The following PPP1R17 variants were observed in gnomAD, a reference collection of about 807,000 sequenced individuals.
PPP1R17 encodes the protein protein phosphatase 1 regulatory subunit 17.
Under a neutral mutation model 15.9 loss-of-function variants are expected in PPP1R17, and 12 were observed. The observed-to-expected ratio is 0.75, with a 90% CI of 0.48 to 1.22. The LOEUF is 1.22. Ranked by LOEUF, PPP1R17 falls within the 50% of genes most tolerant of loss-of-function variation. The probability of loss-of-function intolerance (pLI) is 0.00; values close to 1 mark genes in which losing one functional copy is unlikely to be tolerated. For missense variants in PPP1R17, 211 were observed against 187.3 expected (o/e 1.13, Z -0.74); for synonymous variants, 63 against 64.5 (o/e 0.98, Z 0.11).
chr7:31,692,691 T>C (rs933938522), intron 2 of PPP1R17, among the ~76,000 whole-genome samples, 168 bp downstream of exon 2: 4 of 152,178 alleles, frequency 2.6e-5, no homozygotes, highest in Non-Finnish European at 5.9e-5. Context: ...CATGGGTCTG[T>C]GGGGTCTGCC....
chr7:31,702,023 A>G (rs1384878603), intron 4 of PPP1R17, among the ~76,000 whole-genome samples: 1 of 152,204 alleles, frequency 6.6e-6, no homozygotes, highest in African/African-American at 2.4e-5. Context: ...AAAATTTTTT[A>G]GAAGTCCTGC....
Position 31,697,079 on chromosome 7 carries a change from A to C in PPP1R17, c.350A>C (p.Lys117Thr), listed in dbSNP as rs1389537199. 1.9e-6 allele frequency: 3 copies of C among 1,614,036 alleles called. No homozygotes were observed. The highest frequency in any genetic ancestry group is 2.5e-6 in the Non-Finnish European group (3 of 1,180,010). Residue 117 changes from lysine (K) to threonine (T), a missense_variant, in exon 4 of 5, where the codon AAA becomes ACA. Transcript: ENST00000342032. Reference protein sequence around the residue: ...TDLEQKKPRRKDTPALHMSPF... With the variant: ...TDLEQKKPRRTDTPALHMSPF... Reference sequence around the variant, plus strand: ...CTGGAACAGAAAAAGCCAAGGAGAAAAGACACACCTGCCCTGCACATGTCC... The same window carrying C: ...CTGGAACAGAAAAAGCCAAGGAGAACAGACACACCTGCCCTGCACATGTCC...
At chr7:31,707,099 A>T (rs1793099929) in intron 4 of PPP1R17, 105 bp from the exon 5 acceptor site, 1 of 986,688 alleles carries the variant, frequency 1.0e-6, no homozygotes, top group African/African-American at 1.6e-5. Flanking sequence ...GTAGACACTA[A>T]GAGGTTTCTG....
chr7:31,705,628 G>A (rs1793033462), intron 4 of PPP1R17, among the ~76,000 whole-genome samples: 1 of 152,192 alleles, frequency 6.6e-6, no homozygotes, highest in Non-Finnish European at 1.5e-5. Flanking sequence ...TCAACACATA[G>A]TTTTCATTAA....
At position 31,687,286 on chromosome 7, in the gene PPP1R17, T is replaced by C. The variant is rs1331098861; in HGVS notation, c.-57T>C. 6.6e-6 allele frequency: 1 copy of C among 152,270 alleles called. No individual in the cohort carries two copies. Among genetic ancestry groups the C allele is most frequent in the Non-Finnish European group, 1.5e-5 (1 of 68,098 alleles). 9.4% of individuals were successfully genotyped at this position (152,270 alleles called of 1,614,324 possible). On this transcript the variant is annotated 5_prime_UTR_variant, in exon 1 of 5. Coordinates refer to ENST00000342032, the MANE Select transcript of PPP1R17 (RefSeq NM_006658.5). ...GCCCTCCCTGTCTCTCGCCTTCGCT[T>C]CCCTGCATCTGCGCTGATTGGTAAG...
chr7:31,702,933 G>A (rs1245740884), intron 4 of PPP1R17, among the ~76,000 whole-genome samples: 12 of 152,130 alleles, frequency 7.9e-5, no homozygotes, highest in Non-Finnish European at 1.6e-4. Context: ...AATATTTATG[G>A]GCAGGGAGTC....
intron 4 of PPP1R17, among the ~76,000 whole-genome samples, chr7:31,700,015 G>C (rs1015688305): frequency 1.3e-5 from 2 of 151,984 alleles, no homozygotes; most frequent in Admixed American, 6.6e-5. Context: ...ATTGAAATAA[G>C]GCCAATCAAT....
intron 1 of PPP1R17, among the ~76,000 whole-genome samples, chr7:31,691,066 G>A (rs1485346676): frequency 6.6e-5 from 10 of 152,108 alleles, no homozygotes; most frequent in African/African-American, 1.2e-4. Flanking sequence ...CCTGATGGTC[G>A]CAGGGAGTTG....
At chr7:31,697,862 T>C (rs1792667154) in intron 4 of PPP1R17, among the ~76,000 whole-genome samples, 1 of 152,206 alleles carries the variant, frequency 6.6e-6, no homozygotes, top group South Asian at 2.1e-4. Context: ...TATTATCTCG[T>C]TTTGCAGACT....
rs534892977 is a variant in PPP1R17 at position 31,700,286 on chromosome 7, C to T, written c.388+3169C>T. 1.2e-3 allele frequency among the ~76,000 whole-genome samples: 184 copies of T among 152,236 alleles called. 1 individual carries two copies. The highest frequency in any genetic ancestry group is 4.1e-3 in the African/African-American group (171 of 41,546). ...AAGTGAAACATCCTTATTGTTGATACGGGGAAAGTTTCAGTGGTCTGGATA... is the reference window on the plus strand; with the variant it reads ...AAGTGAAACATCCTTATTGTTGATATGGGGAAAGTTTCAGTGGTCTGGATA... On this transcript the variant is annotated intron_variant, in intron 4 of 4. Transcript: ENST00000342032.
Position 31,692,400 on chromosome 7 carries a change from C to A in PPP1R17, c.-36-6C>A. On this transcript the variant is annotated splice_region_variant and splice_polypyrimidine_tract_variant and intron_variant, in intron 1 of 4. Coordinates refer to ENST00000342032, the MANE Select transcript of PPP1R17 (RefSeq NM_006658.5). ...TACTTATTAACTGTTTTTTATACTTCCTTAGTGCTGGAGAAGAAATACATC... is the reference window on the plus strand; with the variant it reads ...TACTTATTAACTGTTTTTTATACTTACTTAGTGCTGGAGAAGAAATACATC... 2 of 1,471,220 alleles carry A rather than the reference C, an allele frequency of 1.4e-6. No homozygotes were observed. The highest frequency in any genetic ancestry group is 1.9e-6 in the Non-Finnish European group (2 of 1,053,796). The allele number at this position is 1,471,220 out of a possible 1,614,324, so 91.1% of individuals were successfully genotyped here.
intron 1 of PPP1R17, among the ~76,000 whole-genome samples, chr7:31,691,253 G>A (rs1792329040): frequency 6.6e-6 from 1 of 152,306 alleles, no homozygotes; most frequent in African/African-American, 2.4e-5. Context: ...CACCTTTTCA[G>A]AGAAAACCGG....
At chr7:31,690,213 G>A (rs373324189) in intron 1 of PPP1R17, among the ~76,000 whole-genome samples, 19 of 152,254 alleles carry the variant, frequency 1.2e-4, no homozygotes, top group African/African-American at 3.9e-4. Context: ...ATTATACAAC[G>A]GGTCTTCCTT....
At chr7:31,688,296 G>T (rs73088832) in intron 1 of PPP1R17, among the ~76,000 whole-genome samples, 12,490 of 152,274 alleles carry the variant, frequency 0.082, 575 homozygotes, top group East Asian at 0.19. Flanking sequence ...CTAGAGAGTG[G>T]TACAAGCAGC....
At chr7:31,693,787 G>T (rs544636234) in intron 2 of PPP1R17, among the ~76,000 whole-genome samples, 101 of 152,274 alleles carry the variant, frequency 6.6e-4, no homozygotes, top group African/African-American at 2.4e-3. Flanking sequence ...AAGAAAGAGA[G>T]AAATTTACCT....
rs564897908 is a variant in PPP1R17 at position 31,687,962 on chromosome 7, C to T, written c.-37+656C>T. 2.2e-3 allele frequency among the ~76,000 whole-genome samples: 329 copies of T among 152,216 alleles called. 3 individuals are homozygous for T. Among genetic ancestry groups the T allele is most frequent in the African/African-American group, 7.7e-3 (319 of 41,534 alleles). On this transcript the variant is annotated intron_variant, in intron 1 of 4. Transcript: ENST00000342032. ...CTGAGAATCAGTTCTATTATGTTCCCAAGATTTAGAAATGGGTTGGTTTTT... is the reference window on the plus strand; with the variant it reads ...CTGAGAATCAGTTCTATTATGTTCCTAAGATTTAGAAATGGGTTGGTTTTT...
intron 1 of PPP1R17, among the ~76,000 whole-genome samples, chr7:31,691,774 C>CA (rs1272956192): frequency 3.9e-5 from 4 of 103,142 alleles, no homozygotes; most frequent in South Asian, 3.3e-4. Flanking sequence ...TTACTTTATA[C>CA]AATAGTTGTA....
intron 2 of PPP1R17, among the ~76,000 whole-genome samples, chr7:31,692,755 AAGAG>A (rs918244022): frequency 3.9e-5 from 6 of 152,058 alleles, no homozygotes; most frequent in East Asian, 1.9e-4. Context: ...GAGAGAGAGA[AAGAG>A]AGAGAGAGGA....
At chr7:31,690,236 A>G (rs866667167) in intron 1 of PPP1R17, among the ~76,000 whole-genome samples, 33 of 152,252 alleles carry the variant, frequency 2.2e-4, no homozygotes, top group African/African-American at 8.0e-4. Context: ...CCAAAAATCT[A>G]GCGTGGTAGA....
Sources: gnomAD v4.1 joint callset for allele counts (sites outside exome capture counted in the v4.1 genomes callset) on GRCh38, gnomAD v4.1.1 for gene constraint, MANE v1.5 for transcripts, NCBI Gene and HGNC (gene_info 2026-07-23, HGNC 2026-07-21) for gene names.